The following PPP2R3A variants were observed in gnomAD, a reference collection of about 807,000 sequenced individuals.
PPP2R3A encodes serine/threonine-protein phosphatase 2A regulatory subunit B'' subunit alpha.
A neutral mutation model predicts 106.9 loss-of-function variants in PPP2R3A; 80 were observed. That is an observed-to-expected ratio of 0.75 (90% CI 0.62 to 0.90). The LOEUF is 0.90. Among genes scored for constraint, PPP2R3A ranks in the 40% least tolerant of loss-of-function variants. The pLI is 0.00. For missense variants in PPP2R3A, 1,386 were observed against 1,350.4 expected (o/e 1.03, Z -0.41); for synonymous variants, 483 against 468.3 (o/e 1.03, Z -0.41).
intron 13 of PPP2R3A, among the ~76,000 whole-genome samples, chr3:136,107,434 T>C (rs1937536685): frequency 6.0e-5 from 4 of 67,138 alleles, no homozygotes; most frequent in African/African-American, 3.0e-4. Context: ...ATGAATTCTT[T>C]TTTTTTTTTT....
chr3:136,139,033 C>T (rs1938743045), intron 13 of PPP2R3A, among the ~76,000 whole-genome samples: 1 of 151,950 alleles, frequency 6.6e-6, no homozygotes, highest in African/African-American at 2.4e-5. Context: ...ACATTTTATT[C>T]TATGCCTATA....
At chr3:135,967,877 A>G (rs1026521968) in intron 1 of PPP2R3A, among the ~76,000 whole-genome samples, 9 of 152,190 alleles carry the variant, frequency 5.9e-5, no homozygotes, top group South Asian at 2.1e-4. Flanking sequence ...GTGGAGGGCT[A>G]TCATGTGCAG....
intron 9 of PPP2R3A, among the ~76,000 whole-genome samples, chr3:136,090,170 C>A (rs1253806391): frequency 6.6e-6 from 1 of 152,074 alleles, no homozygotes; most frequent in East Asian, 1.9e-4. Flanking sequence ...TCATCCTTGT[C>A]TTGTTCTTGT....
At chr3:136,075,489 G>A (rs1441900516) in intron 6 of PPP2R3A, among the ~76,000 whole-genome samples, 1 of 152,156 alleles carries the variant, frequency 6.6e-6, no homozygotes, top group Non-Finnish European at 1.5e-5. Flanking sequence ...TGTGGCCACT[G>A]AATAAGGAGA....
chr3:136,121,640 A>G (rs1938001367), intron 13 of PPP2R3A, among the ~76,000 whole-genome samples: 1 of 152,224 alleles, frequency 6.6e-6, no homozygotes, highest in Non-Finnish European at 1.5e-5. Context: ...TTTCTAAGAG[A>G]TGAAAGCTTT....
intron 8 of PPP2R3A, among the ~76,000 whole-genome samples, chr3:136,086,689 C>T (rs1338159714): frequency 6.6e-6 from 1 of 152,104 alleles, no homozygotes; most frequent in Non-Finnish European, 1.5e-5. Context: ...AACCAATGTT[C>T]AGCAAAATAT....
chr3:136,100,803 G>C (rs1052025037), intron 10 of PPP2R3A, among the ~76,000 whole-genome samples: 1 of 152,064 alleles, frequency 6.6e-6, no homozygotes, highest in Non-Finnish European at 1.5e-5. Flanking sequence ...ACTCCAGCCT[G>C]GGCAGCAGAG....
At chr3:135,974,206 G>T (rs1251230340) in intron 1 of PPP2R3A, among the ~76,000 whole-genome samples, 2 of 152,126 alleles carry the variant, frequency 1.3e-5, no homozygotes, top group Non-Finnish European at 2.9e-5. Context: ...ACGCCTAAAA[G>T]TTGGAGCATT....
chr3:136,032,586 G>A (rs1214231304), intron 3 of PPP2R3A, among the ~76,000 whole-genome samples: 3 of 151,268 alleles, frequency 2.0e-5, no homozygotes, highest in Non-Finnish European at 2.9e-5. Context: ...GGAGTGCAGT[G>A]GCTCAATCTC....
intron 5 of PPP2R3A, among the ~76,000 whole-genome samples, chr3:136,066,734 C>T (rs1269158678): frequency 6.6e-6 from 1 of 152,024 alleles, no homozygotes; most frequent in Non-Finnish European, 1.5e-5. Context: ...CTCACTATCT[C>T]GAGGACCGCA....
Position 136,147,251 on chromosome 3 carries a change from C to T in PPP2R3A, c.*2085C>T, listed in dbSNP as rs1939173719. 6.6e-6 allele frequency: 1 copy of T among 152,316 alleles called. No homozygotes were observed. The highest frequency in any genetic ancestry group is 2.4e-5 in the African/African-American group (1 of 41,394). The allele number at this position is 152,316 out of a possible 1,614,324, so 9.4% of individuals were successfully genotyped here. A position where few individuals can be genotyped will look rare whatever the true frequency, so the allele number is the denominator to read the frequency against. On this transcript the variant is annotated 3_prime_UTR_variant, in exon 14 of 14. Transcript: ENST00000264977. ...TGGTGGTGCACATCTGTAGTCCTAC[C>T]AACTTGGGAGGCTGAGGCAGGAGAA...
chr3:136,142,248 G>A (rs1433408182), intron 13 of PPP2R3A, among the ~76,000 whole-genome samples: 1 of 152,090 alleles, frequency 6.6e-6, no homozygotes, highest in Non-Finnish European at 1.5e-5. Context: ...TGAGACATAC[G>A]GCACATTGTA....
chr3:136,036,412 C>G (rs569704697), intron 3 of PPP2R3A, among the ~76,000 whole-genome samples: 1 of 152,084 alleles, frequency 6.6e-6, no homozygotes, highest in East Asian at 1.9e-4. Context: ...ACAGGGTGTT[C>G]CCTTGATTTA....
At chr3:136,050,728 T>C (rs565037077) in intron 5 of PPP2R3A, among the ~76,000 whole-genome samples, 2 of 152,018 alleles carry the variant, frequency 1.3e-5, no homozygotes, top group South Asian at 4.2e-4. Context: ...CACTAAGAGG[T>C]CTTCTACTCT....
chr3:136,085,425 C>G (rs1280331000), intron 8 of PPP2R3A, among the ~76,000 whole-genome samples: 2 of 152,138 alleles, frequency 1.3e-5, no homozygotes, highest in East Asian at 3.9e-4. Flanking sequence ...TACCCAGTCT[C>G]AGGTATGTCG....
At chr3:136,049,436 A>G in intron 5 of PPP2R3A, 75 bp downstream of exon 5, 1 of 1,079,710 alleles carries the variant, frequency 9.3e-7, no homozygotes, top group Non-Finnish European at 1.4e-6. Context: ...TTACAACTAT[A>G]ACATGTCAAT....
intron 10 of PPP2R3A, among the ~76,000 whole-genome samples, chr3:136,092,443 T>C (rs6775793): frequency 0.94 from 142,478 of 152,312 alleles, 66,782 homozygotes; most frequent in East Asian, 1. Context: ...TAACAAAATA[T>C]TAGTTAGTTT....
intron 2 of PPP2R3A, 137 bp from the exon 3 acceptor site, chr3:136,026,695 C>T (rs111702958): frequency 1.4e-6 from 1 of 695,268 alleles, no homozygotes. Flanking sequence ...TAGAAACATG[C>T]TTACCACCTT....
At chr3:136,039,884 G>T (rs1333904638) in intron 3 of PPP2R3A, among the ~76,000 whole-genome samples, 1 of 151,956 alleles carries the variant, frequency 6.6e-6, no homozygotes, top group Non-Finnish European at 1.5e-5. Flanking sequence ...TTTTTATCGA[G>T]AAAAATCAAT....
Sources: gnomAD v4.1 joint callset for allele counts (sites outside exome capture counted in the v4.1 genomes callset) on GRCh38, gnomAD v4.1.1 for gene constraint, MANE v1.5 for transcripts, NCBI Gene and HGNC (gene_info 2026-07-23, HGNC 2026-07-21) for gene names.